The following COL2A1 variants were observed in gnomAD, a reference collection of about 807,000 sequenced individuals.
The protein encoded by COL2A1 is collagen alpha-1(II) chain.
A neutral mutation model predicts 204.5 loss-of-function variants in COL2A1; 28 were observed. That is an observed-to-expected ratio of 0.14 (90% CI 0.10 to 0.19). The LOEUF is 0.19. Ranked by LOEUF, COL2A1 falls within the 10% of genes least tolerant of loss-of-function variation. The probability of loss-of-function intolerance (pLI) is 1.00; values close to 1 mark genes in which losing one functional copy is unlikely to be tolerated. For synonymous variants in COL2A1, 708 were observed against 718.7 expected (o/e 0.99, Z 0.24); for missense variants, 1,388 against 2,027.5 (o/e 0.68, Z 6.06).
At chr12:47,994,152 G>C in intron 12 of COL2A1, 105 bp from the exon 13 acceptor site, 1 of 1,303,776 alleles carries the variant, frequency 7.7e-7, no homozygotes, top group Non-Finnish European at 1.1e-6. Flanking sequence ...CCAGGGCGTT[G>C]TCTCGAATCC....
At position 47,976,026 on chromosome 12, in the gene COL2A1, A is replaced by G. The variant is rs34613777; in HGVS notation, c.3534T>C (p.Asn1178=). The change falls in exon 50 of 54, where the codon AAT becomes AAC. Residue 1178 remains asparagine, a synonymous_variant. Coordinates refer to ENST00000380518, the MANE Select transcript of COL2A1 (RefSeq NM_001844.5). The surrounding 1 kb of genome is among the most constrained non-coding windows in gnomAD (Gnocchi z 4.3). The stretch of plus-strand genomic sequence containing the variant: ...GAGGCCCAATGGGGCCAGGGATTCC[A>G]TTAGCACCATCTTTGCCAGAGGGAC... The part of the protein sequence containing the change: ...PVGPSGKDGA[N]GIPGPIGPPG... 374 of 1,614,170 alleles carry G rather than the reference A, an allele frequency of 2.3e-4. No homozygotes were observed. In the African/African-American group the frequency reaches 4.6e-3, roughly 20 times the overall value.
chr12:47,973,612 CT>C (rs1938544911), intron 53 of COL2A1, 59 bp from the exon 54 acceptor site: 3 of 1,605,056 alleles, frequency 1.9e-6, no homozygotes, highest in Non-Finnish European at 1.7e-6. Flanking sequence ...CCAGTTCCAG[CT>C]GCCCAGAAGC....
intron 16 of COL2A1, among the ~76,000 whole-genome samples, chr12:47,991,333 G>A (rs1333267996): frequency 1.3e-5 from 2 of 152,208 alleles, no homozygotes; most frequent in African/African-American, 4.8e-5. Context: ...GCCCAAGGGA[G>A]GGCACATGAC....
At chr12:47,981,064 G>GT (rs1939049173) in intron 37 of COL2A1, 96 bp from the exon 38 acceptor site, 2 of 1,272,320 alleles carry the variant, frequency 1.6e-6, no homozygotes, top group East Asian at 5.1e-5. Flanking sequence ...CCAGCCTCCT[G>GT]TTCCCCAGAG....
At position 47,982,507 on chromosome 12, in the gene COL2A1, C is replaced by T. The variant is rs1449745124; in HGVS notation, c.2296G>A (p.Asp766Asn). ...GAAGIAGPKGDRGDVGEKGPE... is the reference protein window; with the variant it reads ...GAAGIAGPKGNRGDVGEKGPE... Reference sequence around the variant, plus strand: ...GCTGTAACCTCAGTACTTACCCTGTCGCCTTTGGGCCCAGCGATACCAGCT... The same window carrying T: ...GCTGTAACCTCAGTACTTACCCTGTTGCCTTTGGGCCCAGCGATACCAGCT... Residue 766 changes from aspartate to asparagine, a missense_variant, in exon 34 of 54, where the codon GAC (aspartate) becomes AAC (asparagine). By Grantham distance (23) the Asp-to-Asn change is conservative (BLOSUM62 1). This residue lies in a region of COL2A1 where 884 missense variants were observed against 1,415.8 expected (regional missense o/e 0.62). Coordinates refer to ENST00000380518, the MANE Select transcript of COL2A1 (RefSeq NM_001844.5). 6.2e-7 allele frequency: 1 copy of T among 1,613,058 alleles called. No homozygotes were observed. The highest frequency in any genetic ancestry group is 8.5e-7 in the Non-Finnish European group (1 of 1,179,174).
intron 18 of COL2A1, among the ~76,000 whole-genome samples, chr12:47,988,923 T>G (rs1939571084): frequency 6.6e-6 from 1 of 152,254 alleles, no homozygotes; most frequent in Non-Finnish European, 1.5e-5. Flanking sequence ...GTGCTGCCAC[T>G]CCTGGCCTTC....
At position 47,995,268 on chromosome 12, in the gene COL2A1, T is replaced by A. The variant is rs775967429; in HGVS notation, c.749A>T (p.Lys250Met). The change falls in exon 11 of 54, where the codon AAG (lysine) becomes ATG (methionine). Residue 250 changes from lysine to methionine, a missense_variant. Lys to Met is a moderately conservative substitution (Grantham distance 95, BLOSUM62 -1). Around this residue, in one of 3 missense-constraint regions of COL2A1, gnomAD observed 884 missense variants for 1,415.8 expected, o/e 0.62. Transcript: ENST00000380518. ...GPRGPPGPPG[K>M]PGDDGEAGKP... ...GTGTATACTCACATCATCACCAGGC[T>A]TTCCAGGGGGACCAGGAGGACCACG... The A allele has an allele frequency of 3.1e-6, 5 of 1,613,462 alleles. No homozygotes were observed. In the African/African-American group the frequency reaches 6.7e-5, roughly 22 times the overall value.
chr12:47,995,135 CA>C (rs1355975721), intron 11 of COL2A1, 119 bp downstream of exon 11: 1 of 847,210 alleles, frequency 1.2e-6, no homozygotes, highest in Non-Finnish European at 2.1e-6. Flanking sequence ...TGGGACTGCC[CA>C]GTCTTGCTCC....
In COL2A1 at chr12:48,004,338, T is replaced by C. The variant is rs1940374972; in HGVS notation, c.-17A>G. The C allele has an allele frequency of 1.1e-5, 16 of 1,498,700 alleles. No individual in the cohort carries two copies. Among genetic ancestry groups the C allele is most frequent in the African/African-American group, 2.8e-5 (2 of 72,044 alleles). The allele number at this position is 1,498,700 out of a possible 1,614,324, so 92.8% of individuals were successfully genotyped here. On this transcript the variant is annotated 5_prime_UTR_variant, in exon 1 of 54. Coordinates refer to ENST00000380518, the MANE Select transcript of COL2A1 (RefSeq NM_001844.5). ...GCGAATCATGGCTCACCGCGGGGCC[T>C]GGCTGAGCCGGGCCCGGGCGGAGCG... is the stretch of plus-strand genomic sequence containing the variant.
Position 47,987,374 on chromosome 12 carries a change from TC to T in COL2A1, c.1222-62del. On this transcript the variant is annotated intron_variant, in intron 19 of 53. Transcript: ENST00000380518. This position sits in a 1 kb window ranked among gnomAD's most constrained non-coding sequence, Gnocchi z 4.1. Reference sequence around the variant, plus strand: ...AATGAACCCCAACCACCTCCAGCCCTCCAGGATCCAGATCCAGGGACCTGGC... The same window carrying T: ...AATGAACCCCAACCACCTCCAGCCCTCAGGATCCAGATCCAGGGACCTGGC... The T allele has an allele frequency of 6.4e-7, 1 of 1,570,402 alleles. No homozygotes were observed. The highest frequency in any genetic ancestry group is 8.8e-7 in the Non-Finnish European group (1 of 1,142,856).
rs1376031009 is a variant in COL2A1, at chr12:47,997,668, T to C, written c.469A>G (p.Thr157Ala). 5.6e-6 allele frequency: 9 copies of C among 1,612,776 alleles called. No individual in the cohort carries two copies. Among genetic ancestry groups the C allele is most frequent in the Non-Finnish European group, 7.6e-6 (9 of 1,179,764 alleles). ...CCAGGGGGGCCAGGATTTCCAGGGGTCCCAGGTTCTCCATCTCTGCCACGA... is the reference window on the plus strand; with the variant it reads ...CCAGGGGGGCCAGGATTTCCAGGGGCCCCAGGTTCTCCATCTCTGCCACGA... ...GPRGRDGEPG[T>A]PGNPGPPGPP... The change falls in exon 7 of 54, where the codon ACC (threonine) becomes GCC (alanine). Residue 157 changes from threonine to alanine, a missense_variant. Around this residue, in one of 3 missense-constraint regions of COL2A1, gnomAD observed 201 missense variants for 242.4 expected, o/e 0.83. Transcript: ENST00000380518.
chr12:47,991,040 G>A (rs1939676975), intron 16 of COL2A1, among the ~76,000 whole-genome samples: 1 of 152,240 alleles, frequency 6.6e-6, no homozygotes, highest in African/African-American at 2.4e-5. Context: ...TCCTAACGGA[G>A]ACTCTCCAGA....
In COL2A1 at chr12:47,998,602, T is replaced by G. The variant is rs769588002; in HGVS notation, c.293-171A>C. 4.4e-6 allele frequency: 3 copies of G among 681,532 alleles called. No individual in the cohort carries two copies. In the African/African-American group the frequency reaches 5.5e-5, roughly 12 times the overall value. The allele number at this position is 681,532 out of a possible 1,614,324, so 42.2% of individuals were successfully genotyped here. On this transcript the variant is annotated intron_variant, in intron 2 of 53. Transcript: ENST00000380518. ...CCCTCTGTTGGGGTGTTAGGGCCACTGTGGCCCTGGGGTTGCTGAGGTCCC... is the reference window on the plus strand; with the variant it reads ...CCCTCTGTTGGGGTGTTAGGGCCACGGTGGCCCTGGGGTTGCTGAGGTCCC...
chr12:47,994,160 TC>T, intron 12 of COL2A1, 113 bp from the exon 13 acceptor site: 2 of 1,227,490 alleles, frequency 1.6e-6, no homozygotes, highest in Non-Finnish European at 2.4e-6. Flanking sequence ...TTGTCTCGAA[TC>T]CCCACACTTG....
chr12:47,976,210 A>G lies in COL2A1; in HGVS notation c.3490-140T>C. ...TCACATGCTCAGTCATGGAACCCTAAGTTGGTCTCTATTTGGCCAAGAACC... is the reference window on the plus strand; with the variant it reads ...TCACATGCTCAGTCATGGAACCCTAGGTTGGTCTCTATTTGGCCAAGAACC... On this transcript the variant is annotated intron_variant, in intron 49 of 53. Transcript: ENST00000380518. This position sits in a 1 kb window ranked among gnomAD's most constrained non-coding sequence, Gnocchi z 4.3. The G allele has an allele frequency of 1.3e-6, 1 of 753,082 alleles. No homozygotes were observed. The allele number at this position is 753,082 out of a possible 1,614,324, so 46.6% of individuals were successfully genotyped here.
rs756577999 is a variant in COL2A1 at position 47,980,867 on chromosome 12, G to A, written c.2517+48C>T. On this transcript the variant is annotated intron_variant, in intron 38 of 53. Coordinates refer to ENST00000380518, the MANE Select transcript of COL2A1 (RefSeq NM_001844.5). The surrounding 1 kb of genome is among the most constrained non-coding windows in gnomAD (Gnocchi z 4.5). ...CCGATGCCCGAGGGTGCTGGATGTG[G>A]AACTGGCCTGAGTGGAGGGACCCAG... 1 of 1,546,610 alleles carries A rather than the reference G, an allele frequency of 6.5e-7. No individual in the cohort carries two copies. Among genetic ancestry groups the A allele is most frequent in the South Asian group, 1.2e-5 (1 of 83,962 alleles).
Position 47,978,682 on chromosome 12 carries a change from G to T in COL2A1, c.2810C>A (p.Pro937His). The T allele has an allele frequency of 6.2e-7, 1 of 1,613,270 alleles. No homozygotes were observed. The highest frequency in any genetic ancestry group is 8.5e-7 in the Non-Finnish European group (1 of 1,179,978). ...GCCGGGTTCACCAGCTCGGCCAGGGGGGCCGCTGTCTCCTCGAGCACCTTT... is the reference window on the plus strand; with the variant it reads ...GCCGGGTTCACCAGCTCGGCCAGGGTGGCCGCTGTCTCCTCGAGCACCTTT... ...GPKGARGDSGPPGRAGEPGLQ... is the reference protein window; with the variant it reads ...GPKGARGDSGHPGRAGEPGLQ... Residue 937 changes from proline (P) to histidine (H), a missense_variant, in exon 42 of 54, where the codon CCC (proline) becomes CAC (histidine). Transcript: ENST00000380518. The surrounding 1 kb of genome is among the most constrained non-coding windows in gnomAD (Gnocchi z 5.5).
rs899265991 is a variant in COL2A1, at chr12:47,984,783, T to C, written c.1834-184A>G. 5.3e-5 allele frequency among the ~76,000 whole-genome samples: 8 copies of C among 152,318 alleles called. No homozygotes were observed. In the South Asian group the frequency reaches 6.2e-4, roughly 12 times the overall value. ...AACCAGCCTGCTGGGCACTGCCACA[T>C]GGAACAATTATGGCCGCAATGCCCC... is the stretch of plus-strand genomic sequence containing the variant. On this transcript the variant is annotated intron_variant, in intron 27 of 53. Coordinates refer to ENST00000380518, the MANE Select transcript of COL2A1 (RefSeq NM_001844.5).
At position 47,987,965 on chromosome 12, in the gene COL2A1, C is replaced by T. The variant is rs375337370; in HGVS notation, c.1123-256G>A. On this transcript the variant is annotated intron_variant, in intron 18 of 53. Coordinates refer to ENST00000380518, the MANE Select transcript of COL2A1 (RefSeq NM_001844.5). The surrounding 1 kb of genome is among the most constrained non-coding windows in gnomAD (Gnocchi z 4.1). ...CTCATCTCTACACAGTGAGCCTCCACATGCCACGGCACAGCTACATACTAC... is the reference window on the plus strand; with the variant it reads ...CTCATCTCTACACAGTGAGCCTCCATATGCCACGGCACAGCTACATACTAC... Among the ~76,000 whole-genome samples, 44 of 152,314 alleles carry T rather than the reference C, an allele frequency of 2.9e-4. No individual in the cohort carries two copies. The East Asian group carries it at 8.1e-3, about 28-fold the overall frequency.
Sources: allele counts gnomAD v4.1 joint callset (sites outside exome capture counted in the v4.1 genomes callset), GRCh38; gene constraint gnomAD v4.1.1; regional missense constraint gnomAD v4.1.1; non-coding constraint Gnocchi (gnomAD v3.1); transcripts MANE v1.5; gene names NCBI Gene and HGNC (gene_info 2026-07-23, HGNC 2026-07-21).